AGMAT: variants seen among roughly 807,000 people sequenced by gnomAD.
AGMAT encodes the protein agmatinase (putative), also known as guanidino acid hydrolase, mitochondrial.
AGMAT carries 37 observed loss-of-function variants against 29.3 expected under a neutral mutation model. The ratio of observed to expected loss-of-function variants is 1.26; its 90% CI spans 0.97 to 1.66. The LOEUF (loss-of-function observed/expected upper bound fraction) is 1.66, where lower values mean the gene tolerates loss of function less well. Among genes scored for constraint, AGMAT ranks in the 40% most tolerant of loss-of-function variants. The pLI is 0.00. For synonymous variants in AGMAT, 199 were observed against 200.8 expected (o/e 0.99, Z 0.08); for missense variants, 498 against 497.8 (o/e 1.00, Z 0.00).
At chr1:15,576,740 C>CCTTTTTTTTTTTTTTTTTTTTTTTT (rs1639043888) in intron 5 of AGMAT, among the ~76,000 whole-genome samples, 1 of 35,796 alleles carries the variant, frequency 2.8e-5, no homozygotes, top group Non-Finnish European at 5.0e-5. Flanking sequence ...GTTTAGTGTT[C>CCTTTTTTTTTTTTTTTTTTTTTTTT]TTTTTTTTTT....
At chr1:15,580,030 A>G in intron 3 of AGMAT, 64 bp downstream of exon 3, 1 of 1,496,290 alleles carries the variant, frequency 6.7e-7, no homozygotes, top group South Asian at 1.1e-5. Context: ...CCAAACAGCA[A>G]ATAACTCATT....
Position 15,573,263 on chromosome 1 carries a change from A to C in AGMAT, c.*388T>G, listed in dbSNP as rs985457048. ...GACAAGCAAAACTCTATCTCAAAAA[A>C]AAAAATGTTTAAAAGGAAGATATAG... On this transcript the variant is annotated 3_prime_UTR_variant, in exon 7 of 7. Transcript: ENST00000375826. 1.0e-3 allele frequency: 160 copies of C among 158,552 alleles called. 1 individual carries two copies. Among genetic ancestry groups the C allele is most frequent in the Admixed American group, 2.6e-3 (42 of 16,012 alleles). 9.8% of individuals were successfully genotyped at this position (158,552 alleles called of 1,614,324 possible). A position where few individuals can be genotyped will look rare whatever the true frequency, so the allele number is the denominator to read the frequency against.
At position 15,573,353 on chromosome 1, in the gene AGMAT, G is replaced by T; in HGVS notation, c.*298C>A. 1 of 302,460 alleles carries T rather than the reference G, an allele frequency of 3.3e-6. No individual in the cohort carries two copies. The highest frequency in any genetic ancestry group is 6.0e-5 in the South Asian group (1 of 16,674). 18.7% of individuals were successfully genotyped at this position (302,460 alleles called of 1,614,324 possible). A position where few individuals can be genotyped will look rare whatever the true frequency, so the allele number is the denominator to read the frequency against. ...TTAAATGTCATGTTTCTAATGTTTA[G>T]ATAATCTTGAAAGAAATTCTCCTCA... On this transcript the variant is annotated 3_prime_UTR_variant, in exon 7 of 7. Transcript: ENST00000375826.
At chr1:15,578,180 G>A (rs1639065016) in intron 4 of AGMAT, among the ~76,000 whole-genome samples, 2 of 152,168 alleles carry the variant, frequency 1.3e-5, no homozygotes, top group Admixed American at 1.3e-4. Context: ...AAGGGATTTG[G>A]GTCTGTTCCA....
chr1:15,579,980 GCA>G (rs1639089488), intron 3 of AGMAT, 112 bp downstream of exon 3: 12 of 924,110 alleles, frequency 1.3e-5, no homozygotes, highest in Non-Finnish European at 2.0e-5. Context: ...ATCCCCAGAA[GCA>G]GCTCATAACC....
At position 15,581,415 on chromosome 1, in the gene AGMAT, G is replaced by T. The variant is rs182468384; in HGVS notation, c.476-1273C>A. ...CTACTCTAGGAATTGCCTTTTCACA[G>T]TATTCTAGGAAAATGCCTAGAATAG... On this transcript the variant is annotated intron_variant, in intron 2 of 6. Transcript: ENST00000375826. Among the ~76,000 whole-genome samples the T allele has an allele frequency of 5.3e-4, 81 of 152,218 alleles. 1 individual carries two copies. In the East Asian group the frequency reaches 0.014, roughly 27 times the overall value.
At position 15,584,974 on chromosome 1, in the gene AGMAT, G is replaced by C. The variant is rs370269065; in HGVS notation, c.-7C>G. The C allele has an allele frequency of 7.5e-6, 10 of 1,327,776 alleles. No homozygotes were observed. In the African/African-American group the frequency reaches 1.4e-4, roughly 18 times the overall value. The allele number at this position is 1,327,776 out of a possible 1,614,324, so 82.2% of individuals were successfully genotyped here. A position where few individuals can be genotyped will look rare whatever the true frequency, so the allele number is the denominator to read the frequency against. ...ACGCCAGCAGCCTCAGCATTGCCGC[G>C]CGCGGCCAAGACCTCACCGACCAAA... On this transcript the variant is annotated 5_prime_UTR_variant, in exon 1 of 7. Coordinates refer to ENST00000375826, the MANE Select transcript of AGMAT (RefSeq NM_024758.5).
Position 15,578,995 on chromosome 1 carries a change from A to C in AGMAT, c.584T>G (p.Leu195Arg), listed in dbSNP as rs750750632. 32 of 1,614,000 alleles carry C rather than the reference A, an allele frequency of 2.0e-5. No homozygotes were observed. The highest frequency in any genetic ancestry group is 2.5e-5 in the Non-Finnish European group (30 of 1,180,030). The change falls in exon 4 of 7, where the codon CTA (leucine) becomes CGA (arginine). Residue 195 changes from leucine to arginine, a missense_variant. By Grantham distance (102) the Leu-to-Arg change is moderately radical. Transcript: ENST00000375826. ...CGCCCCGTGGTAGAGCTTCTCTCCT[A>C]GGGCCTTGTCGGTCGTGTCCGTGTG... Reference protein sequence around the residue: ...DAHTDTTDKALGEKLYHGAPF... With the variant: ...DAHTDTTDKARGEKLYHGAPF...
chr1:15,577,902 T>C, intron 4 of AGMAT, 38 bp from the exon 5 acceptor site: 1 of 1,596,780 alleles, frequency 6.3e-7, no homozygotes, highest in South Asian at 1.1e-5. Flanking sequence ...TCTGGCAGCA[T>C]TTACAGGGCA....
At chr1:15,579,164 C>T (rs1639079957) in intron 3 of AGMAT, 110 bp from the exon 4 acceptor site, 1 of 1,049,816 alleles carries the variant, frequency 9.5e-7, no homozygotes, top group South Asian at 1.6e-5. Flanking sequence ...AAGGGGAGAC[C>T]TGGCATCCGT....
At chr1:15,574,999 A>G in intron 5 of AGMAT, 158 bp from the exon 6 acceptor site, 2 of 590,060 alleles carry the variant, frequency 3.4e-6, no homozygotes, top group Non-Finnish European at 6.2e-6. Context: ...GGCCTCCCAG[A>G]GAAACAGATA....
intron 5 of AGMAT, among the ~76,000 whole-genome samples, chr1:15,576,256 C>T (rs1414003281): frequency 6.6e-6 from 1 of 151,838 alleles, no homozygotes; most frequent in Non-Finnish European, 1.5e-5. Context: ...GCATGCGCCA[C>T]CATGCCCGGC....
chr1:15,580,286 A>G, intron 2 of AGMAT, 144 bp from the exon 3 acceptor site: 1 of 667,646 alleles, frequency 1.5e-6, no homozygotes, highest in Non-Finnish European at 2.5e-6. Context: ...GCTCACTGCA[A>G]CCTCTGCCTC....
At chr1:15,581,221 G>A (rs1055935968) in intron 2 of AGMAT, among the ~76,000 whole-genome samples, 11 of 151,928 alleles carry the variant, frequency 7.2e-5, no homozygotes, top group African/African-American at 2.4e-4. Context: ...GGTGACAAAC[G>A]CCTGTAGACC....
chr1:15,573,793 C>G, intron 6 of AGMAT, 69 bp from the exon 7 acceptor site: 1 of 1,364,942 alleles, frequency 7.3e-7, no homozygotes, highest in Non-Finnish European at 1.0e-6. Flanking sequence ...TGGGACTCCT[C>G]AGCTTTCTCT....
At chr1:15,573,949 C>T (rs571871186) in intron 6 of AGMAT, among the ~76,000 whole-genome samples, 55 of 152,268 alleles carry the variant, frequency 3.6e-4, no homozygotes, top group African/African-American at 1.3e-3. Flanking sequence ...TCTTTGTTTA[C>T]TCTGAGAACA....
chr1:15,577,971 C>T (rs1175456662), intron 4 of AGMAT, 107 bp from the exon 5 acceptor site: 1 of 1,077,450 alleles, frequency 9.3e-7, no homozygotes, highest in Admixed American at 2.6e-5. Context: ...GACCCTCCAT[C>T]TCCATGAAGA....
At chr1:15,578,484 G>A (rs1238245309) in intron 4 of AGMAT, among the ~76,000 whole-genome samples, 11 of 151,866 alleles carry the variant, frequency 7.2e-5, no homozygotes, top group Non-Finnish European at 8.8e-5. Context: ...TAGGAGAGAC[G>A]GGGTTTCACC....
rs1011878818 is a variant in AGMAT at position 15,572,179 on chromosome 1, T to C, written c.*1472A>G. 6.8e-6 allele frequency among the ~76,000 whole-genome samples: 1 copy of C among 147,528 alleles called. No individual in the cohort carries two copies. Among genetic ancestry groups the C allele is most frequent in the Admixed American group, 6.8e-5 (1 of 14,764 alleles). ...AAAAAAAAAAAAAGCCCAGCTGACATTTTCCAGTTTTGTTTTGTTTTCTGG... is the reference window on the plus strand; with the variant it reads ...AAAAAAAAAAAAAGCCCAGCTGACACTTTCCAGTTTTGTTTTGTTTTCTGG... On this transcript the variant is annotated 3_prime_UTR_variant, in exon 7 of 7. Coordinates refer to ENST00000375826, the MANE Select transcript of AGMAT (RefSeq NM_024758.5).
Sources: gnomAD v4.1 joint callset for allele counts (sites outside exome capture counted in the v4.1 genomes callset) on GRCh38, gnomAD v4.1.1 for gene constraint, MANE v1.5 for transcripts, NCBI Gene and HGNC (gene_info 2026-07-23, HGNC 2026-07-21) for gene names.